The following PDE3B variants were observed in gnomAD, a reference collection of about 807,000 sequenced individuals.
PDE3B encodes cGMP-inhibited 3',5'-cyclic phosphodiesterase 3B.
In PDE3B, 66 loss-of-function variants were observed where a neutral mutation model predicts 116.8. That is an observed-to-expected ratio of 0.56 (90% CI 0.46 to 0.69). The LOEUF (loss-of-function observed/expected upper bound fraction) is 0.69. Among genes scored for constraint, PDE3B ranks in the 30% least tolerant of loss-of-function variants. The pLI, the probability that PDE3B is intolerant of heterozygous loss-of-function variation, is 0.00. For synonymous variants in PDE3B, 595 were observed against 533.6 expected, an observed-to-expected ratio of 1.12 and a Z score of -1.59; for missense variants, 1,384 against 1,368.1, an observed-to-expected ratio of 1.01 and a Z score of -0.18.
chr11:14,706,364 G>A (rs899847720), intron 1 of PDE3B, among the ~76,000 whole-genome samples: 1 of 151,888 alleles, frequency 6.6e-6, no homozygotes, highest in Non-Finnish European at 1.5e-5. Flanking sequence ...CATTTTCTGA[G>A]CATCTATAAT....
At chr11:14,764,836 C>T (rs1306290953) in intron 1 of PDE3B, among the ~76,000 whole-genome samples, 1 of 151,900 alleles carries the variant, frequency 6.6e-6, no homozygotes, top group Non-Finnish European at 1.5e-5. Context: ...ACATCAGTTT[C>T]CAAGTAATAC....
chr11:14,739,471 G>A (rs1856700846), intron 1 of PDE3B, among the ~76,000 whole-genome samples: 1 of 152,208 alleles, frequency 6.6e-6, no homozygotes, highest in African/African-American at 2.4e-5. Flanking sequence ...GAGACTTGCA[G>A]AAGTTGCTTA....
intron 2 of PDE3B, among the ~76,000 whole-genome samples, chr11:14,785,578 C>T (rs1245733888): frequency 1.3e-5 from 2 of 152,002 alleles, no homozygotes; most frequent in South Asian, 2.1e-4. Flanking sequence ...ACAAAAGTAA[C>T]ATTTAATTTA....
chr11:14,854,659 G>A (rs1309809781), intron 12 of PDE3B, among the ~76,000 whole-genome samples: 1 of 152,054 alleles, frequency 6.6e-6, no homozygotes, highest in East Asian at 1.9e-4. Context: ...TGAGACTACA[G>A]GGGCATGCCA....
intron 1 of PDE3B, among the ~76,000 whole-genome samples, chr11:14,681,727 A>G (rs1486448587): frequency 3.3e-5 from 5 of 152,216 alleles, no homozygotes; most frequent in East Asian, 1.9e-4. Context: ...TAGAAATACA[A>G]TTGAGTTTTG....
chr11:14,851,509 G>GGT (rs35913217), intron 12 of PDE3B, among the ~76,000 whole-genome samples: 35,092 of 148,360 alleles, frequency 0.24, 4,790 homozygotes, highest in African/African-American at 0.39. Context: ...GGTATAATGG[G>GGT]GTGTGTGTGT....
At chr11:14,819,096 C>T (rs1859429215) in intron 6 of PDE3B, 40 bp from the exon 7 acceptor site, 2 of 1,235,534 alleles carry the variant, frequency 1.6e-6, no homozygotes, top group African/African-American at 1.5e-5. Flanking sequence ...AAAACTTGTA[C>T]CTCATTTACC....
At chr11:14,652,342 C>G (rs557434289) in intron 1 of PDE3B, among the ~76,000 whole-genome samples, 2 of 152,178 alleles carry the variant, frequency 1.3e-5, no homozygotes, top group East Asian at 1.9e-4. Flanking sequence ...TAGGTCTATA[C>G]GTCTGTGTTT....
chr11:14,824,960 C>G (rs985484113), intron 7 of PDE3B, among the ~76,000 whole-genome samples: 4 of 151,906 alleles, frequency 2.6e-5, no homozygotes, highest in Non-Finnish European at 5.9e-5. Context: ...GCCAGAAGAG[C>G]CTGGGCTCCT....
chr11:14,839,690 TG>T (rs1860163566), intron 11 of PDE3B, among the ~76,000 whole-genome samples: 1 of 152,218 alleles, frequency 6.6e-6, no homozygotes, highest in Non-Finnish European at 1.5e-5. Context: ...ACACTTCTAT[TG>T]TCTTAGTTCT....
At chr11:14,883,917 AAC>A in the PDE3B span, among the ~76,000 whole-genome samples, 2 of 152,116 alleles carry the variant, frequency 1.3e-5, no homozygotes, top group African/African-American at 4.8e-5. Context: ...GCAGCCAAAA[AAC>A]ACATGAAAAA....
chr11:14,896,052 C>G, the PDE3B span, among the ~76,000 whole-genome samples: 2 of 152,302 alleles, frequency 1.3e-5, no homozygotes, highest in African/African-American at 2.4e-5. Flanking sequence ...AGAGAAATCA[C>G]ATTTCTCAGA....
the PDE3B span, among the ~76,000 whole-genome samples, chr11:14,895,956 T>G: frequency 1.6e-4 from 5 of 30,530 alleles, no homozygotes; most frequent in Admixed American, 5.7e-4. Context: ...GGTGTGGGGG[T>G]TTCAGAAGAG....
In PDE3B at chr11:14,749,910, A is replaced by ATATATATATATATATG. The variant is rs763744588; in HGVS notation, c.979-22024_979-22023insATATATATATATGTAT. Among the ~76,000 whole-genome samples the ATATATATATATATATG allele has an allele frequency of 3.0e-5, 4 of 131,478 alleles. No individual in the cohort carries two copies. The South Asian group carries it at 6.9e-4, about 23-fold the overall frequency. The allele number at this position is 131,478 out of a possible 152,430, so 86.3% of individuals were successfully genotyped here. A position where few individuals can be genotyped will look rare whatever the true frequency, so the allele number is the denominator to read the frequency against. On this transcript the variant is annotated intron_variant, in intron 1 of 15. Transcript: ENST00000282096. ...AAATAAATATATCCCATATATATATATATGTATCTTTGTGGAAGCTGAGAA... is the reference window on the plus strand; with the variant it reads ...AAATAAATATATCCCATATATATATATATATATATATATATGTATGTATCTTTGTGGAAGCTGAGAA...
At position 14,863,620 on chromosome 11, in the gene PDE3B, AC is replaced by A. The variant is rs558125946; in HGVS notation, c.2886+2255del. 3.3e-5 allele frequency among the ~76,000 whole-genome samples: 5 copies of A among 152,356 alleles called. No homozygotes were observed. In the East Asian group the frequency reaches 9.6e-4, roughly 29 times the overall value. Reference sequence around the variant, plus strand: ...CAGTGGATCTCTCTGCAGAAACCCTACAAGCCAGAAGAGAGTGGGGGCCAAT... The same window carrying A: ...CAGTGGATCTCTCTGCAGAAACCCTAAAGCCAGAAGAGAGTGGGGGCCAAT... On this transcript the variant is annotated intron_variant, in intron 14 of 15. Coordinates refer to ENST00000282096, the MANE Select transcript of PDE3B (RefSeq NM_000922.4).
At chr11:14,751,873 T>C (rs1394466768) in intron 1 of PDE3B, among the ~76,000 whole-genome samples, 1 of 152,172 alleles carries the variant, frequency 6.6e-6, no homozygotes, top group Non-Finnish European at 1.5e-5. Flanking sequence ...AACTCACCCA[T>C]ATTTCCAGGC....
intron 1 of PDE3B, among the ~76,000 whole-genome samples, chr11:14,754,457 T>C (rs1192971483): frequency 6.6e-6 from 1 of 152,186 alleles, no homozygotes; most frequent in African/African-American, 2.4e-5. Flanking sequence ...AGTGTGTAGA[T>C]ATTATTATTG....
the PDE3B span, among the ~76,000 whole-genome samples, chr11:14,894,120 C>A: frequency 6.6e-6 from 1 of 152,136 alleles, no homozygotes; most frequent in Non-Finnish European, 1.5e-5. Flanking sequence ...TGAAGTTACC[C>A]CCACAGGTAT....
At position 14,739,340 on chromosome 11, in the gene PDE3B, T is replaced by C. The variant is rs1856696258; in HGVS notation, c.979-32597T>C. Among the ~76,000 whole-genome samples, 8 of 152,354 alleles carry C rather than the reference T, an allele frequency of 5.3e-5. No individual in the cohort carries two copies. The South Asian group carries it at 1.7e-3, about 32-fold the overall frequency. On this transcript the variant is annotated intron_variant, in intron 1 of 15. Transcript: ENST00000282096. Reference sequence around the variant, plus strand: ...TCACATCCCTTGTAAGTTGGATTCCTAGGTATTTTATTCTCTTTGTAACAA... The same window carrying C: ...TCACATCCCTTGTAAGTTGGATTCCCAGGTATTTTATTCTCTTTGTAACAA...
Sources: allele counts gnomAD v4.1 joint callset (sites outside exome capture counted in the v4.1 genomes callset), GRCh38; gene constraint gnomAD v4.1.1; transcripts MANE v1.5; gene names NCBI Gene and HGNC (gene_info 2026-07-23, HGNC 2026-07-21).